IL17D: variants seen among roughly 807,000 people sequenced by gnomAD.
IL17D encodes interleukin 17D.
A neutral mutation model predicts 5.7 loss-of-function variants in IL17D; 10 were observed. That is an observed-to-expected ratio of 1.75 (90% CI 1.08 to 2.97). The LOEUF is 2.97. IL17D is among the 30% of genes most tolerant of loss of function. The probability of loss-of-function intolerance (pLI) is 0.00; values close to 1 mark genes in which losing one functional copy is unlikely to be tolerated. For missense variants in IL17D, 354 were observed against 292.7 expected, an observed-to-expected ratio of 1.21 and a Z score of -1.53; for synonymous variants, 172 against 141.7, an observed-to-expected ratio of 1.21 and a Z score of -1.52.
intron 1 of IL17D, among the ~76,000 whole-genome samples, chr13:20,706,516 G>T (rs2058593339): frequency 6.6e-6 from 1 of 152,248 alleles, no homozygotes; most frequent in Non-Finnish European, 1.5e-5. Context: ...CATGTTTCTG[G>T]CTTGGGTTGT....
intron 1 of IL17D, among the ~76,000 whole-genome samples, chr13:20,718,124 G>C (rs2058692509): frequency 6.6e-6 from 1 of 152,056 alleles, no homozygotes; most frequent in African/African-American, 2.4e-5. Flanking sequence ...CCCGCCTTTG[G>C]TTTTCCTGCG....
intron 1 of IL17D, among the ~76,000 whole-genome samples, chr13:20,711,477 C>T (rs1354979489): frequency 1.3e-5 from 2 of 152,270 alleles, no homozygotes; most frequent in South Asian, 2.1e-4. Context: ...CAAGGCCCCG[C>T]CTCCCACACT....
chr13:20,705,988 T>G (rs1237306379), intron 1 of IL17D, among the ~76,000 whole-genome samples: 4 of 152,178 alleles, frequency 2.6e-5, no homozygotes, highest in Admixed American at 1.3e-4. Context: ...TGCCGGCTGC[T>G]GGGTAGGGAG....
rs1305755304 is a variant in IL17D, at chr13:20,716,839, T to A, written c.291-4797T>A. On this transcript the variant is annotated intron_variant, in intron 1 of 1. Transcript: ENST00000682841. The surrounding 1 kb of genome is among the most constrained non-coding windows in gnomAD (Gnocchi z 4.2). ...TCAACTGCTGTGAGATAAACAGTCA[T>A]CCTGAGCCCCTGCTGCTCTGAAATC... is the stretch of plus-strand genomic sequence containing the variant. Among the ~76,000 whole-genome samples the A allele has an allele frequency of 1.3e-5, 2 of 152,138 alleles. No individual in the cohort carries two copies. Among genetic ancestry groups the A allele is most frequent in the African/African-American group, 4.8e-5 (2 of 41,436 alleles).
chr13:20,701,816 T>G (rs2058549694), upstream of IL17D: 1 of 152,240 alleles, frequency 6.6e-6, no homozygotes, highest in Non-Finnish European at 1.5e-5. Flanking sequence ...TCAAATTTGT[T>G]CTGCCAAATA....
chr13:20,713,592 G>A (rs1191775280), intron 1 of IL17D: 2 of 152,080 alleles, frequency 1.3e-5, no homozygotes, highest in Non-Finnish European at 2.9e-5. Flanking sequence ...TTACTGCCTG[G>A]GTTTTACTTT....
At chr13:20,720,884 C>T (rs909181411) in intron 1 of IL17D, among the ~76,000 whole-genome samples, 1 of 146,026 alleles carries the variant, frequency 6.8e-6, no homozygotes, top group Admixed American at 6.8e-5. Context: ...ACCCCCCCCC[C>T]CCTCCCCCGG....
intron 1 of IL17D, among the ~76,000 whole-genome samples, chr13:20,720,923 A>T (rs1047350439): frequency 7.8e-6 from 1 of 128,902 alleles, no homozygotes; most frequent in African/African-American, 2.9e-5. Context: ...CCTGGCACGG[A>T]GGTGGCACTG....
chr13:20,710,200 A>G (rs1185945011), intron 1 of IL17D, among the ~76,000 whole-genome samples: 1 of 152,218 alleles, frequency 6.6e-6, no homozygotes, highest in Non-Finnish European at 1.5e-5. Flanking sequence ...AATGCCAAAA[A>G]TAAAGTCAAT....
intron 1 of IL17D, chr13:20,714,149 GA>G (rs1326854345): frequency 1.3e-5 from 2 of 152,258 alleles, no homozygotes; most frequent in Non-Finnish European, 2.9e-5. Context: ...AACCCTTCAA[GA>G]AATGTGGGTT....
intron 1 of IL17D, among the ~76,000 whole-genome samples, chr13:20,709,432 T>C (rs923861273): frequency 6.6e-6 from 1 of 152,138 alleles, no homozygotes; most frequent in African/African-American, 2.4e-5. Context: ...TTAGATATTA[T>C]ACACTATAAG....
rs1173042900 is a variant in IL17D at position 20,715,524 on chromosome 13, C to T, written c.291-6112C>T. On this transcript the variant is annotated intron_variant, in intron 1 of 1. Transcript: ENST00000682841. The stretch of plus-strand genomic sequence containing the variant: ...ATGGCTAGCTAGCCTTTAGGGATAG[C>T]GCTTACGTTGTTGACTGTGCAGCCA... 6.6e-5 allele frequency among the ~76,000 whole-genome samples: 10 copies of T among 152,212 alleles called. No individual in the cohort carries two copies. The East Asian group carries it at 1.7e-3, about 27-fold the overall frequency.
intron 1 of IL17D, among the ~76,000 whole-genome samples, chr13:20,718,728 A>C (rs1372657186): frequency 4.0e-5 from 4 of 99,198 alleles, no homozygotes; most frequent in Non-Finnish European, 8.5e-5. Context: ...ACTTACACAC[A>C]TGGCTACGCT....
intron 1 of IL17D, among the ~76,000 whole-genome samples, chr13:20,718,826 GC>G (rs1171879500): frequency 8.9e-6 from 1 of 112,656 alleles, no homozygotes; most frequent in African/African-American, 3.5e-5. Context: ...ACACACACCT[GC>G]CCACACTCAG....
chr13:20,708,142 G>T (rs2141383725), intron 1 of IL17D, among the ~76,000 whole-genome samples: 1 of 152,284 alleles, frequency 6.6e-6, no homozygotes. Flanking sequence ...CGAACTCCTG[G>T]CCTCAAGTGA....
At chr13:20,703,310 T>TG, upstream of IL17D, 2 of 986,518 alleles carry the variant, frequency 2.0e-6, no homozygotes, top group Non-Finnish European at 2.4e-6. Context: ...GAGAAGATGT[T>TG]GGGGGCACTG....
At chr13:20,706,513 C>T (rs2058593316) in intron 1 of IL17D, among the ~76,000 whole-genome samples, 1 of 152,260 alleles carries the variant, frequency 6.6e-6, no homozygotes, top group Non-Finnish European at 1.5e-5. Context: ...TCTCATGTTT[C>T]TGGCTTGGGT....
At chr13:20,711,323 C>T (rs1487674593) in intron 1 of IL17D, among the ~76,000 whole-genome samples, 3 of 147,824 alleles carry the variant, frequency 2.0e-5, no homozygotes, top group African/African-American at 5.0e-5. Context: ...GGCTGGAAAG[C>T]CCAAGGGTCT....
intron 1 of IL17D, among the ~76,000 whole-genome samples, chr13:20,715,623 G>A (rs984710720): frequency 1.3e-5 from 2 of 152,180 alleles, no homozygotes; most frequent in Non-Finnish European, 1.5e-5. Flanking sequence ...CACTTGGACA[G>A]CTTGTTAGTG....
Sources: gnomAD v4.1 joint callset for allele counts (sites outside exome capture counted in the v4.1 genomes callset) on GRCh38, gnomAD v4.1.1 for gene constraint, Gnocchi (gnomAD v3.1) non-coding constraint, MANE v1.5 for transcripts, NCBI Gene and HGNC (gene_info 2026-07-23, HGNC 2026-07-21) for gene names.